Variants in RERG observed in about 807,000 individuals in gnomAD.
RERG encodes the protein ras-related and estrogen-regulated growth inhibitor.
In RERG, 25 loss-of-function variants were observed where a neutral mutation model predicts 23.2. The ratio of observed to expected loss-of-function variants is 1.08; its 90% confidence interval spans 0.79 to 1.50. The LOEUF (loss-of-function observed/expected upper bound fraction) is 1.50, where lower values mean the gene tolerates loss of function less well. Among genes scored for constraint, RERG ranks in the 40% most tolerant of loss-of-function variants. RERG has a pLI of 0.00. For missense variants in RERG, 253 were observed against 250.1 expected (o/e 1.01, Z -0.08); for synonymous variants, 81 against 89.1 (o/e 0.91, Z 0.51).
Position 15,172,293 on chromosome 12 carries a change from TTA to T in RERG, c.61+45134_61+45135del. ...ATAATGTTTTCAAGATTCATCCATG[TTA>T]TAGCATGTTTGAGTAAGTATTTCTT... On this transcript the variant is annotated intron_variant, in intron 2 of 4. Coordinates refer to ENST00000256953, the MANE Select transcript of RERG (RefSeq NM_032918.3). Among the ~76,000 whole-genome samples, 3 of 152,314 alleles carry T rather than the reference TTA, an allele frequency of 2.0e-5. No homozygotes were observed. The South Asian group carries it at 6.2e-4, about 32-fold the overall frequency.
chr12:15,166,067 G>A (rs1864682680), intron 2 of RERG, among the ~76,000 whole-genome samples: 1 of 152,166 alleles, frequency 6.6e-6, no homozygotes, highest in Non-Finnish European at 1.5e-5. Context: ...CATATGCACA[G>A]GGTAAAAGAC....
chr12:15,126,520 A>G (rs1489903295), intron 2 of RERG, among the ~76,000 whole-genome samples: 1 of 152,026 alleles, frequency 6.6e-6, no homozygotes, highest in African/African-American at 2.4e-5. Context: ...TGCAGGGATC[A>G]TTACATATTT....
chr12:15,111,272 T>C, intron 4 of RERG, 72 bp downstream of exon 4: 2 of 1,235,704 alleles, frequency 1.6e-6, no homozygotes, highest in Non-Finnish European at 2.3e-6. Flanking sequence ...AAGTGCCTTA[T>C]TTTTGTTCAT....
chr12:15,117,136 A>C (rs1863735965), intron 3 of RERG, among the ~76,000 whole-genome samples: 1 of 108,794 alleles, frequency 9.2e-6, no homozygotes, highest in Non-Finnish European at 1.9e-5. Flanking sequence ...CTTTTTACTG[A>C]TTTAGCTTTT....
chr12:15,149,223 G>T (rs1046621782), intron 2 of RERG, among the ~76,000 whole-genome samples: 2 of 152,004 alleles, frequency 1.3e-5, no homozygotes, highest in African/African-American at 4.8e-5. Flanking sequence ...GAAAAACAGG[G>T]CTGTGTTTAT....
chr12:15,156,591 C>T (rs1223659824), intron 2 of RERG, among the ~76,000 whole-genome samples: 3 of 152,172 alleles, frequency 2.0e-5, no homozygotes, highest in Non-Finnish European at 2.9e-5. Flanking sequence ...GCCCTGTAGA[C>T]TTGGGGAATG....
chr12:15,144,354 G>A (rs1468644564), intron 2 of RERG, among the ~76,000 whole-genome samples: 1 of 152,148 alleles, frequency 6.6e-6, no homozygotes, highest in Non-Finnish European at 1.5e-5. Flanking sequence ...GTATAAAGAT[G>A]CTATTTAAAG....
intron 2 of RERG, among the ~76,000 whole-genome samples, chr12:15,136,221 A>T (rs1461574542): frequency 6.6e-6 from 1 of 151,914 alleles, no homozygotes; most frequent in Non-Finnish European, 1.5e-5. Context: ...TATCCTTTCA[A>T]TGTCCATGGG....
intron 2 of RERG, among the ~76,000 whole-genome samples, chr12:15,151,527 T>C (rs933120989): frequency 4.6e-5 from 7 of 152,368 alleles, no homozygotes; most frequent in African/African-American, 1.7e-4. Context: ...GCATTTGTTG[T>C]AGATTGTAGA....
intron 3 of RERG, among the ~76,000 whole-genome samples, chr12:15,119,485 A>T (rs1863792753): frequency 6.6e-6 from 1 of 152,184 alleles, no homozygotes; most frequent in South Asian, 2.1e-4. Flanking sequence ...ACTCCCATTA[A>T]TCATTAAGAT....
intron 2 of RERG, among the ~76,000 whole-genome samples, chr12:15,215,817 C>T (rs1865433554): frequency 6.6e-6 from 1 of 152,064 alleles, no homozygotes; most frequent in Non-Finnish European, 1.5e-5. Context: ...GATGCATGAG[C>T]CTTGACAGGA....
At position 15,131,137 on chromosome 12, in the gene RERG, CTA is replaced by C. The variant is rs1864039540; in HGVS notation, c.62-10020_62-10019del. On this transcript the variant is annotated intron_variant, in intron 2 of 4. Coordinates refer to ENST00000256953, the MANE Select transcript of RERG (RefSeq NM_032918.3). ...AATTAACTTGTATAACTAAATGACA[CTA>C]TTTTGCTGAAGAATTTAAATTGAAA... Among the ~76,000 whole-genome samples the C allele has an allele frequency of 2.6e-5, 4 of 152,048 alleles. No individual in the cohort carries two copies. In the South Asian group the frequency reaches 8.3e-4, roughly 32 times the overall value.
chr12:15,208,821 C>T (rs751813285), intron 2 of RERG, among the ~76,000 whole-genome samples: 38 of 152,000 alleles, frequency 2.5e-4, no homozygotes, highest in South Asian at 4.2e-4. Context: ...ATTTTTATAA[C>T]GATAAGATTT....
intron 2 of RERG, among the ~76,000 whole-genome samples, chr12:15,144,197 G>A (rs1591645930): frequency 6.6e-6 from 1 of 152,230 alleles, no homozygotes; most frequent in Admixed American, 6.5e-5. Flanking sequence ...GCAGGTTGGA[G>A]GGTAGGGATT....
At chr12:15,117,158 G>A (rs1367164455) in intron 3 of RERG, among the ~76,000 whole-genome samples, 5 of 43,268 alleles carry the variant, frequency 1.2e-4, no homozygotes, top group African/African-American at 2.5e-4. Flanking sequence ...TTTTTTTTGC[G>A]AATTTCAACA....
chr12:15,164,067 C>A (rs1386701624), intron 2 of RERG, among the ~76,000 whole-genome samples: 2 of 152,090 alleles, frequency 1.3e-5, no homozygotes, highest in African/African-American at 2.4e-5. Context: ...TAAAACAGAG[C>A]AAAGCAGGGA....
At chr12:15,131,176 AG>A (rs1423837369) in intron 2 of RERG, among the ~76,000 whole-genome samples, 1 of 152,192 alleles carries the variant, frequency 6.6e-6, no homozygotes, top group African/African-American at 2.4e-5. Flanking sequence ...TAAAAACAAG[AG>A]AAAATAAATT....
chr12:15,169,154 T>C (rs1398658062), intron 2 of RERG, among the ~76,000 whole-genome samples: 3 of 152,174 alleles, frequency 2.0e-5, no homozygotes, highest in Admixed American at 2.0e-4. Context: ...GAGGTGAAGT[T>C]TAAATAGTAA....
At chr12:15,170,356 G>T (rs1316497895) in intron 2 of RERG, among the ~76,000 whole-genome samples, 2 of 152,078 alleles carry the variant, frequency 1.3e-5, no homozygotes, top group Admixed American at 1.3e-4. Flanking sequence ...GGGGAAGGGA[G>T]TGGGAGGACA....
Sources: gnomAD v4.1 joint callset for allele counts (sites outside exome capture counted in the v4.1 genomes callset) on GRCh38, gnomAD v4.1.1 for gene constraint, MANE v1.5 for transcripts, NCBI Gene and HGNC (gene_info 2026-07-23, HGNC 2026-07-21) for gene names.